The following CHCHD6 variants were observed in gnomAD, a reference collection of about 807,000 sequenced individuals.
The protein encoded by CHCHD6 is MICOS complex subunit MIC25.
A neutral mutation model predicts 32.3 loss-of-function variants in CHCHD6; 28 were observed. The ratio of observed to expected loss-of-function variants is 0.87; its 90% CI spans 0.64 to 1.19. CHCHD6 has a LOEUF of 1.19. Among genes scored for constraint, CHCHD6 ranks in the 50% most tolerant of loss-of-function variants. CHCHD6 has a pLI of 0.00. For synonymous variants in CHCHD6, 122 were observed against 117.5 expected, an observed-to-expected ratio of 1.04 and a Z score of -0.25; for missense variants, 333 against 307.0, an observed-to-expected ratio of 1.08 and a Z score of -0.63.
At chr3:126,804,921 A>G (rs1188563353) in intron 4 of CHCHD6, among the ~76,000 whole-genome samples, 5 of 152,180 alleles carry the variant, frequency 3.3e-5, no homozygotes, top group Non-Finnish European at 2.9e-5. Context: ...AATGTAATCC[A>G]GCATATAAAC....
chr3:126,862,177 T>G (rs1201847687), intron 5 of CHCHD6, among the ~76,000 whole-genome samples: 1 of 56,162 alleles, frequency 1.8e-5, no homozygotes, highest in African/African-American at 9.2e-5. Flanking sequence ...CATCACCACC[T>G]CCTCCTCCAC....
At chr3:126,871,845 T>G (rs920759182) in intron 5 of CHCHD6, among the ~76,000 whole-genome samples, 1 of 151,882 alleles carries the variant, frequency 6.6e-6, no homozygotes, top group African/African-American at 2.4e-5. Context: ...TTTTGTATTT[T>G]TAGCAGAGAC....
In CHCHD6 at chr3:126,711,922, C is replaced by G. The variant is rs904351148; in HGVS notation, c.87+7523C>G. ...CACTGTGTGCCGGTTTCTGGGCTAG[C>G]TGCTTTCACATGTGTTATTCTGTTT... On this transcript the variant is annotated intron_variant, in intron 1 of 7. Coordinates refer to ENST00000290913, the MANE Select transcript of CHCHD6 (RefSeq NM_032343.3). 2.0e-5 allele frequency among the ~76,000 whole-genome samples: 3 copies of G among 152,368 alleles called. No individual in the cohort carries two copies. The East Asian group carries it at 5.8e-4, about 29-fold the overall frequency.
chr3:126,765,422 C>T (rs1449537630), intron 4 of CHCHD6, among the ~76,000 whole-genome samples: 3 of 152,198 alleles, frequency 2.0e-5, no homozygotes, highest in East Asian at 1.9e-4. Context: ...TCACAGCATC[C>T]GTGCTGACAC....
chr3:126,761,265 C>T (rs1356195576), intron 4 of CHCHD6, among the ~76,000 whole-genome samples: 3 of 152,220 alleles, frequency 2.0e-5, no homozygotes, highest in Non-Finnish European at 2.9e-5. Context: ...AGTTTCTCCA[C>T]ATCTTGGAGA....
chr3:126,891,921 T>C (rs377229606), intron 5 of CHCHD6, among the ~76,000 whole-genome samples: 1 of 152,060 alleles, frequency 6.6e-6, no homozygotes, highest in East Asian at 1.9e-4. Context: ...TCTGGGGTAA[T>C]GAAATCTAAG....
chr3:126,729,546 A>G (rs1232272156), intron 2 of CHCHD6, among the ~76,000 whole-genome samples: 3 of 152,194 alleles, frequency 2.0e-5, no homozygotes, highest in Non-Finnish European at 1.5e-5. Flanking sequence ...ATAAATAAGC[A>G]TGGCGAGCAC....
At chr3:126,766,866 C>A (rs1262892740) in intron 4 of CHCHD6, 14 of 965,094 alleles carry the variant, frequency 1.5e-5, no homozygotes, top group Non-Finnish European at 1.9e-5. Flanking sequence ...AGTCAAACAG[C>A]TTCACCAGGT....
chr3:126,845,625 C>A (rs1337181385), intron 4 of CHCHD6, among the ~76,000 whole-genome samples: 2 of 151,886 alleles, frequency 1.3e-5, no homozygotes, highest in Middle Eastern at 3.2e-3. Flanking sequence ...TCTTGGGGGC[C>A]CTGTTCCATT....
chr3:126,796,913 C>A (rs762190801), intron 4 of CHCHD6, among the ~76,000 whole-genome samples: 35 of 152,214 alleles, frequency 2.3e-4, no homozygotes, highest in Non-Finnish European at 4.6e-4. Context: ...GCCTTGGGTA[C>A]AGGGCCAGGA....
At chr3:126,838,623 G>T (rs1247257647) in intron 4 of CHCHD6, among the ~76,000 whole-genome samples, 1 of 152,202 alleles carries the variant, frequency 6.6e-6, no homozygotes, top group Non-Finnish European at 1.5e-5. Context: ...GGAAGGGAGG[G>T]ACGGATTCTT....
chr3:126,956,225 C>A (rs2078781262), intron 6 of CHCHD6, among the ~76,000 whole-genome samples: 2 of 152,148 alleles, frequency 1.3e-5, no homozygotes, highest in African/African-American at 4.8e-5. Flanking sequence ...TGAGGAATGG[C>A]TTTCTACATT....
intron 6 of CHCHD6, among the ~76,000 whole-genome samples, chr3:126,940,445 C>G (rs1309957009): frequency 6.6e-6 from 1 of 152,130 alleles, no homozygotes; most frequent in Non-Finnish European, 1.5e-5. Flanking sequence ...TGTAACCAAT[C>G]ACTTATTGAT....
At chr3:126,928,562 C>T (rs1241866424) in intron 6 of CHCHD6, among the ~76,000 whole-genome samples, 3 of 152,190 alleles carry the variant, frequency 2.0e-5, no homozygotes, top group African/African-American at 7.2e-5. Context: ...GAGTAAAGCC[C>T]TGTGAGACCT....
intron 6 of CHCHD6, among the ~76,000 whole-genome samples, chr3:126,949,065 C>T (rs1197672956): frequency 6.6e-6 from 1 of 152,242 alleles, no homozygotes; most frequent in Non-Finnish European, 1.5e-5. Flanking sequence ...CATTAATAGA[C>T]AGTGGTGGCA....
At chr3:126,757,496 T>C (rs191917258) in intron 4 of CHCHD6, among the ~76,000 whole-genome samples, 89 of 152,228 alleles carry the variant, frequency 5.8e-4, no homozygotes, top group African/African-American at 2.1e-3. Context: ...GTATAGATCA[T>C]TGGGAAAGTA....
intron 4 of CHCHD6, among the ~76,000 whole-genome samples, chr3:126,828,935 G>A (rs1468398837): frequency 2.6e-5 from 4 of 152,028 alleles, no homozygotes; most frequent in Non-Finnish European, 5.9e-5. Context: ...ACCAATTTTT[G>A]ACTTTATTTT....
At chr3:126,825,755 T>C (rs1257843149) in intron 4 of CHCHD6, among the ~76,000 whole-genome samples, 2 of 152,212 alleles carry the variant, frequency 1.3e-5, no homozygotes, top group Non-Finnish European at 2.9e-5. Flanking sequence ...TTCCATCCTT[T>C]TTTCACCTTC....
At chr3:126,783,814 A>G (rs1938066420) in intron 4 of CHCHD6, among the ~76,000 whole-genome samples, 2 of 151,914 alleles carry the variant, frequency 1.3e-5, no homozygotes, top group Admixed American at 1.3e-4. Flanking sequence ...GCTTGGGGCC[A>G]TGATCAGGCA....
Sources: allele counts gnomAD v4.1 joint callset (sites outside exome capture counted in the v4.1 genomes callset), GRCh38; gene constraint gnomAD v4.1.1; transcripts MANE v1.5; gene names NCBI Gene and HGNC (gene_info 2026-07-23, HGNC 2026-07-21).